The following KCNQ5 variants were observed in gnomAD, a reference collection of about 807,000 sequenced individuals.
The protein encoded by KCNQ5 is potassium voltage-gated channel subfamily KQT member 5.
In KCNQ5, 30 loss-of-function variants were observed where a neutral mutation model predicts 98.2. The ratio of observed to expected loss-of-function variants is 0.31; its 90% CI spans 0.23 to 0.41. KCNQ5 has a LOEUF of 0.41. KCNQ5 is among the 10% of genes least tolerant of loss of function. The probability of loss-of-function intolerance (pLI) is 1.00; values close to 1 mark genes in which losing one functional copy is unlikely to be tolerated. For synonymous variants in KCNQ5, 458 were observed against 449.4 expected, an observed-to-expected ratio of 1.02 and a Z score of -0.24; for missense variants, 835 against 1,182.5, an observed-to-expected ratio of 0.71 and a Z score of 4.31.
At chr6:73,055,389 C>G in intron 3 of KCNQ5, 1 of 1,498,130 alleles carries the variant, frequency 6.7e-7, no homozygotes, top group Non-Finnish European at 9.3e-7. Flanking sequence ...CTCAATAAAG[C>G]AGAAACTGCT....
At chr6:73,101,435 C>G (rs1031203572) in intron 5 of KCNQ5, among the ~76,000 whole-genome samples, 4 of 152,122 alleles carry the variant, frequency 2.6e-5, no homozygotes, top group Non-Finnish European at 5.9e-5. Context: ...AAATAAAGAG[C>G]ATCCAAATTG....
At chr6:72,736,626 A>C (rs1770860107) in intron 1 of KCNQ5, among the ~76,000 whole-genome samples, 1 of 146,304 alleles carries the variant, frequency 6.8e-6, no homozygotes, top group South Asian at 2.2e-4. Context: ...CAGCCTCCCA[A>C]GTAGCTGGGA....
At chr6:72,770,101 G>A (rs554283854) in intron 1 of KCNQ5, among the ~76,000 whole-genome samples, 1 of 152,118 alleles carries the variant, frequency 6.6e-6, no homozygotes, top group African/African-American at 2.4e-5. Flanking sequence ...AGCTTAAATG[G>A]GAGATATGGT....
At chr6:72,972,202 GA>G (rs1171565647) in intron 1 of KCNQ5, among the ~76,000 whole-genome samples, 3 of 152,168 alleles carry the variant, frequency 2.0e-5, no homozygotes, top group Non-Finnish European at 2.9e-5. Context: ...TGCCATGCCA[GA>G]AAGCCAGTTT....
At chr6:73,138,155 T>C (rs1172462067) in intron 10 of KCNQ5, among the ~76,000 whole-genome samples, 1 of 152,308 alleles carries the variant, frequency 6.6e-6, no homozygotes, top group East Asian at 1.9e-4. Flanking sequence ...CTGTGTCTAT[T>C]TTCCCTGGAG....
At chr6:73,050,865 T>C (rs1213954738) in intron 3 of KCNQ5, among the ~76,000 whole-genome samples, 1 of 152,224 alleles carries the variant, frequency 6.6e-6, no homozygotes, top group Non-Finnish European at 1.5e-5. Flanking sequence ...GGCTTTTTCT[T>C]ACACAGCATG....
chr6:72,728,231 C>A (rs969648828), intron 1 of KCNQ5, among the ~76,000 whole-genome samples: 1 of 152,160 alleles, frequency 6.6e-6, no homozygotes, highest in East Asian at 1.9e-4. Flanking sequence ...CGCATGCCAC[C>A]CACACACAAA....
intron 1 of KCNQ5, among the ~76,000 whole-genome samples, chr6:72,814,410 G>A (rs938614521): frequency 3.3e-5 from 5 of 152,144 alleles, no homozygotes; most frequent in Non-Finnish European, 7.4e-5. Flanking sequence ...TAAAATGAGG[G>A]TTATAAAATC....
At chr6:72,760,281 A>G (rs1772197014) in intron 1 of KCNQ5, among the ~76,000 whole-genome samples, 1 of 152,172 alleles carries the variant, frequency 6.6e-6, no homozygotes, top group Admixed American at 6.6e-5. Flanking sequence ...GGTCTAACAG[A>G]CAGTGTAGCA....
At chr6:73,012,169 T>C (rs973791205) in intron 2 of KCNQ5, among the ~76,000 whole-genome samples, 1 of 152,112 alleles carries the variant, frequency 6.6e-6, no homozygotes, top group African/African-American at 2.4e-5. Context: ...TGTACACCCA[T>C]GTTCATAGCA....
intron 6 of KCNQ5, among the ~76,000 whole-genome samples, chr6:73,107,662 T>A (rs1775059558): frequency 6.6e-6 from 1 of 152,198 alleles, no homozygotes; most frequent in Non-Finnish European, 1.5e-5. Context: ...AGGTTAAATA[T>A]GTCACTAGGT....
intron 1 of KCNQ5, among the ~76,000 whole-genome samples, chr6:72,684,126 A>C (rs1192009421): frequency 6.6e-6 from 1 of 152,218 alleles, no homozygotes; most frequent in Non-Finnish European, 1.5e-5. Flanking sequence ...CTATAAAGCA[A>C]AAACAAAAAG....
At chr6:72,673,305 A>C (rs545702963) in intron 1 of KCNQ5, among the ~76,000 whole-genome samples, 14 of 152,268 alleles carry the variant, frequency 9.2e-5, no homozygotes, top group East Asian at 5.8e-4. Flanking sequence ...ACAGAAGAAG[A>C]AGCAAGCAGT....
intron 3 of KCNQ5, among the ~76,000 whole-genome samples, chr6:73,059,467 T>A (rs1470271081): frequency 6.6e-6 from 1 of 152,150 alleles, no homozygotes; most frequent in Non-Finnish European, 1.5e-5. Flanking sequence ...GGTACTATGC[T>A]TTTTACCTGC....
At chr6:72,859,242 C>T (rs1244666688) in intron 1 of KCNQ5, among the ~76,000 whole-genome samples, 1 of 151,936 alleles carries the variant, frequency 6.6e-6, no homozygotes, top group African/African-American at 2.4e-5. Flanking sequence ...TAAACTTTTC[C>T]TTTTAACTAC....
intron 1 of KCNQ5, among the ~76,000 whole-genome samples, chr6:72,712,340 C>T (rs371004163): frequency 6.6e-6 from 1 of 152,082 alleles, no homozygotes; most frequent in Admixed American, 6.6e-5. Context: ...GGGAAGAAGG[C>T]GCTTCAAGAA....
In KCNQ5 at chr6:73,003,883, G is replaced by A. The variant is rs750192001; in HGVS notation, c.399-25G>A. The A allele has an allele frequency of 4.0e-6, 6 of 1,482,842 alleles. No homozygotes were observed. In the Admixed American group the frequency reaches 1.0e-4, roughly 25 times the overall value. The allele number at this position is 1,482,842 out of a possible 1,614,324, so 91.9% of individuals were successfully genotyped here. A position where few individuals can be genotyped will look rare whatever the true frequency, so the allele number is the denominator to read the frequency against. Reference sequence around the variant, plus strand: ...TGATAATAAGGTAAGGTTCTTATCAGATTTCTCTTTTTGTTGTTTTACAGT... The same window carrying A: ...TGATAATAAGGTAAGGTTCTTATCAAATTTCTCTTTTTGTTGTTTTACAGT... On this transcript the variant is annotated intron_variant, in intron 1 of 13. Coordinates refer to ENST00000370398, the MANE Select transcript of KCNQ5 (RefSeq NM_019842.4).
At chr6:72,946,408 T>C (rs1766549371) in intron 1 of KCNQ5, among the ~76,000 whole-genome samples, 2 of 152,172 alleles carry the variant, frequency 1.3e-5, no homozygotes, top group Admixed American at 1.3e-4. Context: ...CATCATCAAA[T>C]AATATTTATT....
intron 5 of KCNQ5, among the ~76,000 whole-genome samples, chr6:73,095,474 A>AT (rs1355949490): frequency 6.6e-6 from 1 of 152,124 alleles, no homozygotes; most frequent in Non-Finnish European, 1.5e-5. Context: ...AGCTAGTGTG[A>AT]TTTTTTGGGA....
Sources: allele counts gnomAD v4.1 joint callset (sites outside exome capture counted in the v4.1 genomes callset), GRCh38; gene constraint gnomAD v4.1.1; transcripts MANE v1.5; gene names NCBI Gene and HGNC (gene_info 2026-07-23, HGNC 2026-07-21).